HS3ST4: variants seen among roughly 807,000 people sequenced by gnomAD.
HS3ST4 encodes the protein heparan sulfate glucosamine 3-O-sulfotransferase 4.
Under a neutral mutation model 29.2 loss-of-function variants are expected in HS3ST4, and 17 were observed. The observed-to-expected ratio is 0.58, with a 90% CI of 0.40 to 0.87. HS3ST4 has a LOEUF of 0.87. HS3ST4 is among the 40% of genes least tolerant of loss of function. The probability of loss-of-function intolerance (pLI) is 0.00; values close to 1 mark genes in which losing one functional copy is unlikely to be tolerated. For synonymous variants in HS3ST4, 314 were observed against 285.7 expected (o/e 1.10, Z -1.00); for missense variants, 627 against 634.5 (o/e 0.99, Z 0.13).
At chr16:25,700,328 G>GC (rs1252521415) in intron 1 of HS3ST4, among the ~76,000 whole-genome samples, 1 of 152,114 alleles carries the variant, frequency 6.6e-6, no homozygotes, top group Admixed American at 6.5e-5. Context: ...GATGCCACTT[G>GC]CCCCGGGTAA....
intron 1 of HS3ST4, among the ~76,000 whole-genome samples, chr16:25,764,710 T>C (rs17718107): frequency 0.06 from 9,104 of 152,260 alleles, 396 homozygotes; most frequent in East Asian, 0.15. Flanking sequence ...GCTTGATGGA[T>C]AGGAAAATGA....
intron 1 of HS3ST4, among the ~76,000 whole-genome samples, chr16:25,974,638 T>G (rs559568843): frequency 8.5e-4 from 129 of 152,348 alleles, no homozygotes; most frequent in African/African-American, 3.1e-3. Context: ...GCATGGAATG[T>G]ATCCTCCAAG....
intron 1 of HS3ST4, among the ~76,000 whole-genome samples, chr16:25,752,659 C>G (rs1265063108): frequency 6.6e-6 from 1 of 152,222 alleles, no homozygotes; most frequent in African/African-American, 2.4e-5. Context: ...AGATTAACCA[C>G]TAATGGCAAA....
intron 1 of HS3ST4, among the ~76,000 whole-genome samples, chr16:26,039,001 C>T (rs1412274790): frequency 2.0e-5 from 3 of 152,092 alleles, no homozygotes; most frequent in Non-Finnish European, 4.4e-5. Context: ...CCTTCAAGGT[C>T]TAGCTCAGTG....
chr16:25,876,404 TC>T lies in HS3ST4; in HGVS notation c.734+183254del, dbSNP rs1206847727. ...AACAGGATCCAGCCTTTGGCATGCTTCTTATGAGTGGCACCATTCCCAGGAT... is the reference window on the plus strand; with the variant it reads ...AACAGGATCCAGCCTTTGGCATGCTTTTATGAGTGGCACCATTCCCAGGAT... On this transcript the variant is annotated intron_variant, in intron 1 of 1. Coordinates refer to ENST00000331351, the MANE Select transcript of HS3ST4 (RefSeq NM_006040.3). Among the ~76,000 whole-genome samples the T allele has an allele frequency of 9.9e-4, 150 of 152,258 alleles. 1 individual carries two copies. Among genetic ancestry groups the T allele is most frequent in the African/African-American group, 3.6e-3 (149 of 41,550 alleles).
At position 25,692,868 on chromosome 16, in the gene HS3ST4, A is replaced by C. The variant is rs549884552; in HGVS notation, c.451A>C (p.Thr151Pro). 3.3e-4 allele frequency: 498 copies of C among 1,518,682 alleles called. 8 individuals are homozygous for C. The South Asian group carries it at 5.8e-3, about 18-fold the overall frequency. 94.1% of individuals were successfully genotyped at this position (1,518,682 alleles called of 1,614,324 possible). Reference sequence around the variant, plus strand: ...CCCGCTGGCCCCCAGCGAGATGATCACGGCTCAGAGCGCGCTGCCGGAGAG... The same window carrying C: ...CCCGCTGGCCCCCAGCGAGATGATCCCGGCTCAGAGCGCGCTGCCGGAGAG... Reference protein sequence around the residue: ...RTPLAPSEMITAQSALPEREA... With the variant: ...RTPLAPSEMIPAQSALPEREA... Residue 151 changes from threonine (T) to proline (P), a missense_variant, in exon 1 of 2, where the codon ACG becomes CCG. Thr to Pro is a conservative substitution (Grantham distance 38, BLOSUM62 -1). Around this residue, in one of 2 missense-constraint regions of HS3ST4, gnomAD observed 402 missense variants for 340.8 expected, o/e 1.18. Coordinates refer to ENST00000331351, the MANE Select transcript of HS3ST4 (RefSeq NM_006040.3).
chr16:25,736,588 A>C (rs1371563483), intron 1 of HS3ST4, among the ~76,000 whole-genome samples: 1 of 152,228 alleles, frequency 6.6e-6, no homozygotes, highest in East Asian at 1.9e-4. Flanking sequence ...TTTTATTTTC[A>C]TGGAAAGAAC....
chr16:25,842,085 C>G (rs1967419808), intron 1 of HS3ST4, among the ~76,000 whole-genome samples: 1 of 152,208 alleles, frequency 6.6e-6, no homozygotes, highest in Non-Finnish European at 1.5e-5. Flanking sequence ...GGCTCCTTGA[C>G]ATTTTGGACT....
At chr16:25,816,989 G>A (rs1286943036) in intron 1 of HS3ST4, among the ~76,000 whole-genome samples, 1 of 152,050 alleles carries the variant, frequency 6.6e-6, no homozygotes, top group Non-Finnish European at 1.5e-5. Flanking sequence ...CACCTTAAAG[G>A]CCCCACCTCT....
At chr16:26,102,761 G>A (rs1353896405) in intron 1 of HS3ST4, among the ~76,000 whole-genome samples, 1 of 152,216 alleles carries the variant, frequency 6.6e-6, no homozygotes, top group African/African-American at 2.4e-5. Flanking sequence ...CTTACTGGGT[G>A]TTGGATTCTG....
At chr16:25,741,524 G>A (rs558602480) in intron 1 of HS3ST4, among the ~76,000 whole-genome samples, 3 of 152,072 alleles carry the variant, frequency 2.0e-5, no homozygotes, top group African/African-American at 7.2e-5. Flanking sequence ...AAAAAAGAGG[G>A]GCTATTGTAT....
Position 25,764,399 on chromosome 16 carries a change from C to T in HS3ST4, c.734+71248C>T, listed in dbSNP as rs116104574. Among the ~76,000 whole-genome samples, 761 of 152,282 alleles carry T rather than the reference C, an allele frequency of 5.0e-3. 7 individuals carry two copies. Among genetic ancestry groups the T allele is most frequent in the African/African-American group, 0.018 (732 of 41,574 alleles). On this transcript the variant is annotated intron_variant, in intron 1 of 1. Transcript: ENST00000331351. ...ATGGGGAAGCAGAGGCACAAAAAGG[C>T]TAGGGATCACATACAGCCAGGACAT...
chr16:25,987,152 A>G (rs1348272333), intron 1 of HS3ST4, among the ~76,000 whole-genome samples: 2 of 151,800 alleles, frequency 1.3e-5, no homozygotes, highest in Admixed American at 6.6e-5. Context: ...GGAGTTCGAA[A>G]CCAGCCTGAC....
intron 1 of HS3ST4, among the ~76,000 whole-genome samples, chr16:25,815,821 C>CA (rs1967088019): frequency 6.6e-6 from 1 of 152,176 alleles, no homozygotes; most frequent in African/African-American, 2.4e-5. Context: ...CTCCTACCCT[C>CA]AAGCCTCCAC....
intron 1 of HS3ST4, among the ~76,000 whole-genome samples, chr16:26,015,290 A>C (rs1490518522): frequency 2.6e-5 from 4 of 152,224 alleles, no homozygotes; most frequent in Admixed American, 2.0e-4. Flanking sequence ...AATTATGTTT[A>C]ATTATAGTGA....
In HS3ST4 at chr16:26,125,254, T is replaced by G. The variant is rs569859567; in HGVS notation, c.735-10358T>G. Among the ~76,000 whole-genome samples the G allele has an allele frequency of 7.2e-5, 11 of 152,328 alleles. No homozygotes were observed. In the East Asian group the frequency reaches 1.7e-3, roughly 24 times the overall value. ...CTCCAAACTGGCACCACGGACCAGT[T>G]TTGTGGAAGACAATTTTTTCCACAG... On this transcript the variant is annotated intron_variant, in intron 1 of 1. Coordinates refer to ENST00000331351, the MANE Select transcript of HS3ST4 (RefSeq NM_006040.3).
intron 1 of HS3ST4, among the ~76,000 whole-genome samples, chr16:25,887,973 A>G (rs1377185921): frequency 6.6e-6 from 1 of 152,068 alleles, no homozygotes; most frequent in Non-Finnish European, 1.5e-5. Context: ...TTGGGATTAT[A>G]GGCATGAGCC....
intron 1 of HS3ST4, among the ~76,000 whole-genome samples, chr16:25,812,796 G>A (rs1967054912): frequency 6.6e-6 from 1 of 151,728 alleles, no homozygotes; most frequent in South Asian, 2.1e-4. Context: ...CGACCTCCTA[G>A]TCTCAAGCGA....
chr16:26,114,240 C>T (rs1338814599), intron 1 of HS3ST4, among the ~76,000 whole-genome samples: 2 of 152,180 alleles, frequency 1.3e-5, no homozygotes, highest in African/African-American at 4.8e-5. Flanking sequence ...CAGGGCATAG[C>T]TAATATTTAT....
Sources: gnomAD v4.1 joint callset for allele counts (sites outside exome capture counted in the v4.1 genomes callset) on GRCh38, gnomAD v4.1.1 for gene constraint, gnomAD v4.1.1 regional missense constraint, MANE v1.5 for transcripts, NCBI Gene and HGNC (gene_info 2026-07-23, HGNC 2026-07-21) for gene names.